Variants in IMMP2L observed in about 807,000 individuals in gnomAD.
IMMP2L encodes the protein inner mitochondrial membrane peptidase subunit 2, also known as mitochondrial inner membrane protease subunit 2.
IMMP2L carries 18 observed loss-of-function variants against 19.3 expected under a neutral mutation model. That is an observed-to-expected ratio of 0.93 (90% CI 0.64 to 1.38). The LOEUF (loss-of-function observed/expected upper bound fraction) is 1.38, where lower values mean the gene tolerates loss of function less well. IMMP2L is among the 40% of genes most tolerant of loss of function. The pLI is 0.00. For synonymous variants in IMMP2L, 76 were observed against 73.0 expected, an observed-to-expected ratio of 1.04 and a Z score of -0.21; for missense variants, 233 against 218.2, an observed-to-expected ratio of 1.07 and a Z score of -0.43.
intron 2 of IMMP2L, among the ~76,000 whole-genome samples, chr7:111,512,259 A>G (rs1256476555): frequency 5.3e-5 from 8 of 152,140 alleles, no homozygotes; most frequent in Admixed American, 5.2e-4. Context: ...TCTAGTAAGT[A>G]AAAGAGCCAG....
chr7:110,666,314 G>A (rs745644033), intron 5 of IMMP2L, among the ~76,000 whole-genome samples: 147 of 152,080 alleles, frequency 9.7e-4, no homozygotes, highest in African/African-American at 3.3e-3. Context: ...TCACTCTGTC[G>A]CCCAGGCTGG....
At chr7:111,558,293 A>T (rs1350685406) in intron 1 of IMMP2L, among the ~76,000 whole-genome samples, 1 of 152,170 alleles carries the variant, frequency 6.6e-6, no homozygotes, top group Non-Finnish European at 1.5e-5. Context: ...CAAATCCCCA[A>T]TACCATGGGT....
intron 3 of IMMP2L, among the ~76,000 whole-genome samples, chr7:111,254,805 T>G (rs549117260): frequency 6.6e-6 from 1 of 152,194 alleles, no homozygotes; most frequent in Admixed American, 6.6e-5. Flanking sequence ...CTCAAATCCA[T>G]GTCTAGTTGA....
At chr7:111,250,374 T>G (rs575042739) in intron 3 of IMMP2L, among the ~76,000 whole-genome samples, 2 of 152,254 alleles carry the variant, frequency 1.3e-5, no homozygotes, top group South Asian at 2.1e-4. Flanking sequence ...AAACGACCAT[T>G]GACGTTTTTC....
chr7:111,356,487 C>A (rs979558711), intron 3 of IMMP2L, among the ~76,000 whole-genome samples: 2 of 152,050 alleles, frequency 1.3e-5, no homozygotes, highest in Non-Finnish European at 2.9e-5. Flanking sequence ...ATTTGAGCAT[C>A]CTCGGATTCT....
intron 3 of IMMP2L, among the ~76,000 whole-genome samples, chr7:111,211,503 A>G: frequency 6.6e-6 from 1 of 152,224 alleles, no homozygotes; most frequent in Non-Finnish European, 1.5e-5. Flanking sequence ...ATCAAACCCA[A>G]TCTATTTAAT....
chr7:110,684,044 T>C (rs540934513), intron 5 of IMMP2L, among the ~76,000 whole-genome samples: 11 of 152,078 alleles, frequency 7.2e-5, no homozygotes, highest in Non-Finnish European at 1.6e-4. Flanking sequence ...TCTTTTGATT[T>C]TGAATGTGCA....
chr7:111,315,854 G>A (rs535596744), intron 3 of IMMP2L, among the ~76,000 whole-genome samples: 1 of 151,982 alleles, frequency 6.6e-6, no homozygotes, highest in Admixed American at 6.6e-5. Context: ...CTTCATGTAA[G>A]AGATAAGGCT....
chr7:111,461,681 T>C (rs533706906), intron 3 of IMMP2L, among the ~76,000 whole-genome samples: 3 of 152,162 alleles, frequency 2.0e-5, no homozygotes, highest in Non-Finnish European at 2.9e-5. Flanking sequence ...GAAATCGCTC[T>C]TATGATGCTC....
intron 3 of IMMP2L, among the ~76,000 whole-genome samples, chr7:111,187,073 A>C (rs1808350556): frequency 6.6e-6 from 1 of 152,152 alleles, no homozygotes; most frequent in African/African-American, 2.4e-5. Flanking sequence ...AGAGGAAAAG[A>C]CTGCAAACGT....
intron 3 of IMMP2L, among the ~76,000 whole-genome samples, chr7:111,446,327 G>C (rs1404761021): frequency 6.9e-6 from 1 of 144,346 alleles, no homozygotes; most frequent in Non-Finnish European, 1.5e-5. Context: ...TTTGAAGAGA[G>C]CAGTGGTTCT....
chr7:110,806,443 T>C (rs925967923), intron 5 of IMMP2L, among the ~76,000 whole-genome samples: 1 of 152,004 alleles, frequency 6.6e-6, no homozygotes, highest in Non-Finnish European at 1.5e-5. Flanking sequence ...CAAGATAGCA[T>C]TAAACTGATT....
chr7:110,938,751 T>A (rs1304895014), intron 4 of IMMP2L, among the ~76,000 whole-genome samples: 1 of 152,060 alleles, frequency 6.6e-6, no homozygotes, highest in Non-Finnish European at 1.5e-5. Context: ...ACAAAAATAG[T>A]TGCTCTTTTT....
intron 3 of IMMP2L, among the ~76,000 whole-genome samples, chr7:111,108,610 T>G (rs965956180): frequency 3.3e-5 from 5 of 152,194 alleles, no homozygotes; most frequent in Non-Finnish European, 7.4e-5. Context: ...AGAAGAAATT[T>G]ATGATTCTTT....
intron 2 of IMMP2L, among the ~76,000 whole-genome samples, chr7:111,514,698 A>C (rs1563297131): frequency 6.6e-6 from 1 of 152,100 alleles, no homozygotes; most frequent in Non-Finnish European, 1.5e-5. Context: ...CCACCATGTA[A>C]TCCATCACCT....
chr7:111,317,008 C>A (rs111640256), intron 3 of IMMP2L, among the ~76,000 whole-genome samples: 1 of 151,778 alleles, frequency 6.6e-6, no homozygotes, highest in Non-Finnish European at 1.5e-5. Context: ...TGCAACCACG[C>A]CCAACTAATT....
At chr7:111,220,239 C>T (rs187302294) in intron 3 of IMMP2L, among the ~76,000 whole-genome samples, 357 of 152,096 alleles carry the variant, frequency 2.3e-3, no homozygotes, top group African/African-American at 7.5e-3. Context: ...TGAGCTTCTA[C>T]TTATAATTCC....
At chr7:111,419,417 A>C (rs1835268127) in intron 3 of IMMP2L, among the ~76,000 whole-genome samples, 1 of 151,686 alleles carries the variant, frequency 6.6e-6, no homozygotes, top group Non-Finnish European at 1.5e-5. Flanking sequence ...AAAATCACTA[A>C]GCTAAAGGGA....
intron 3 of IMMP2L, among the ~76,000 whole-genome samples, chr7:111,167,449 T>C (rs1586659605): frequency 6.6e-6 from 1 of 151,982 alleles, no homozygotes; most frequent in Non-Finnish European, 1.5e-5. Context: ...CTGGTTTACC[T>C]GATTTTTCAG....
Sources: allele counts gnomAD v4.1 joint callset (sites outside exome capture counted in the v4.1 genomes callset), GRCh38; gene constraint gnomAD v4.1.1; transcripts MANE v1.5; gene names NCBI Gene and HGNC (gene_info 2026-07-23, HGNC 2026-07-21).